Variants in PTPRN2 observed in about 807,000 individuals in gnomAD.
The protein encoded by PTPRN2 is protein tyrosine phosphatase receptor type N2.
A neutral mutation model predicts 118.8 loss-of-function variants in PTPRN2; 74 were observed. The observed-to-expected ratio is 0.62, with a 90% CI of 0.52 to 0.76. The LOEUF (loss-of-function observed/expected upper bound fraction) is 0.76. Among genes scored for constraint, PTPRN2 ranks in the 30% least tolerant of loss-of-function variants. The probability of loss-of-function intolerance (pLI) is 0.00; values close to 1 mark genes in which losing one functional copy is unlikely to be tolerated. For synonymous variants in PTPRN2, 641 were observed against 608.0 expected (o/e 1.05, Z -0.80); for missense variants, 1,481 against 1,394.4 (o/e 1.06, Z -0.99).
At chr7:158,133,277 G>A (rs920416075) in intron 9 of PTPRN2, among the ~76,000 whole-genome samples, 1 of 152,200 alleles carries the variant, frequency 6.6e-6, no homozygotes, top group Non-Finnish European at 1.5e-5. Flanking sequence ...ATTCCCGCGC[G>A]GGCCGTGCTC....
chr7:158,119,594 C>CAAG (rs977354943), intron 9 of PTPRN2, among the ~76,000 whole-genome samples: 4 of 151,012 alleles, frequency 2.6e-5, no homozygotes, highest in African/African-American at 9.8e-5. Flanking sequence ...AGGTACAGTA[C>CAAG]AAGAAGATAT....
Position 157,793,727 on chromosome 7 carries a change from G to A in PTPRN2, c.1788+104946C>T, listed in dbSNP as rs188911125. Among the ~76,000 whole-genome samples, 445 of 152,304 alleles carry A rather than the reference G, an allele frequency of 2.9e-3. 3 individuals carry two copies. Among genetic ancestry groups the A allele is most frequent in the South Asian group, 0.015 (73 of 4,828 alleles). On this transcript the variant is annotated intron_variant, in intron 12 of 22. Transcript: ENST00000389418. ...AGGAGACACCGTCCCCCAGGGCCACGTATAGATCCACTGGAGGCCTGAATG... is the reference window on the plus strand; with the variant it reads ...AGGAGACACCGTCCCCCAGGGCCACATATAGATCCACTGGAGGCCTGAATG...
chr7:157,654,367 C>T (rs1805927461), intron 14 of PTPRN2, among the ~76,000 whole-genome samples: 1 of 152,142 alleles, frequency 6.6e-6, no homozygotes, highest in Admixed American at 6.5e-5. Context: ...CCAGCACCTG[C>T]TGGCATCGTG....
At chr7:157,731,978 T>C (rs375646579) in intron 12 of PTPRN2, among the ~76,000 whole-genome samples, 68 of 53,096 alleles carry the variant, frequency 1.3e-3, no homozygotes, top group South Asian at 2.0e-3. Flanking sequence ...TCCCGTCCCA[T>C]GCGCCCAGCA....
At chr7:157,717,205 T>C (rs1418914702) in intron 12 of PTPRN2, among the ~76,000 whole-genome samples, 1 of 152,220 alleles carries the variant, frequency 6.6e-6, no homozygotes, top group Non-Finnish European at 1.5e-5. Context: ...AATGCATCTC[T>C]AAAAAAAGCA....
intron 2 of PTPRN2, among the ~76,000 whole-genome samples, chr7:158,334,467 A>G (rs1805178786): frequency 1.3e-5 from 1 of 76,128 alleles, no homozygotes; most frequent in Non-Finnish European, 2.9e-5. Context: ...ACGCCCATAG[A>G]CGTCACTCAC....
intron 2 of PTPRN2, among the ~76,000 whole-genome samples, chr7:158,368,547 A>T (rs1809706058): frequency 6.6e-6 from 1 of 152,168 alleles, no homozygotes; most frequent in African/African-American, 2.4e-5. Context: ...TTCATATGAA[A>T]CTGTTAGTTC....
At chr7:158,337,734 C>CGT (rs1805959207) in intron 2 of PTPRN2, among the ~76,000 whole-genome samples, 1 of 148,494 alleles carries the variant, frequency 6.7e-6, no homozygotes. Context: ...ACGTCACTCA[C>CGT]AACCACACTC....
intron 3 of PTPRN2, among the ~76,000 whole-genome samples, chr7:158,272,788 TG>T: frequency 6.6e-6 from 1 of 151,912 alleles, no homozygotes; most frequent in Non-Finnish European, 1.5e-5. Context: ...CTCATAGGTG[TG>T]AGGGCCATCG....
rs568442974 is a variant in PTPRN2, at chr7:158,094,096, T to C, written c.1644-12719A>G. Among the ~76,000 whole-genome samples the C allele has an allele frequency of 5.9e-5, 9 of 152,308 alleles. No homozygotes were observed. The South Asian group carries it at 1.7e-3, about 28-fold the overall frequency. ...ATTTGGAAGAAAACAGATTGTTCAG[T>C]ATGTATGCTTTGCCTTTGAACTTTA... On this transcript the variant is annotated intron_variant, in intron 10 of 22. Transcript: ENST00000389418.
At chr7:158,109,899 C>T (rs1004915496) in intron 10 of PTPRN2, among the ~76,000 whole-genome samples, 2 of 151,538 alleles carry the variant, frequency 1.3e-5, no homozygotes, top group Non-Finnish European at 2.9e-5. Context: ...GATGTCACCC[C>T]TGTGTGAAGA....
chr7:158,170,520 T>C (rs1823442593), intron 5 of PTPRN2, among the ~76,000 whole-genome samples: 2 of 152,236 alleles, frequency 1.3e-5, no homozygotes, highest in Admixed American at 1.3e-4. Context: ...TGGTTTATGT[T>C]CTGAATCAAA....
chr7:158,392,997 T>C (rs561673894), intron 2 of PTPRN2, among the ~76,000 whole-genome samples: 2 of 151,940 alleles, frequency 1.3e-5, no homozygotes, highest in East Asian at 3.9e-4. Context: ...AAACAGCAAG[T>C]CCACAGAGAG....
rs1554495849 is a variant in PTPRN2, at chr7:158,414,088, A to AAC, written c.163+75646_163+75647insGT. Among the ~76,000 whole-genome samples, 64 of 151,466 alleles carry AAC rather than the reference A, an allele frequency of 4.2e-4. 2 individuals carry two copies. In the South Asian group the frequency reaches 0.013, roughly 31 times the overall value. ...ATCTCAAAAAAAAAAAAAAAAAAAA[A>AAC]AAGGAAGCAAGGGGATTCCTAGTGT... On this transcript the variant is annotated intron_variant, in intron 2 of 22. Coordinates refer to ENST00000389418, the MANE Select transcript of PTPRN2 (RefSeq NM_002847.5).
intron 1 of PTPRN2, among the ~76,000 whole-genome samples, chr7:158,562,215 T>C (rs1827433623): frequency 6.6e-6 from 1 of 152,164 alleles, no homozygotes; most frequent in South Asian, 2.1e-4. Context: ...AAGGTCCTGC[T>C]TCCTGGATCA....
intron 9 of PTPRN2, among the ~76,000 whole-genome samples, chr7:158,111,412 C>A (rs1028050147): frequency 1.3e-5 from 2 of 152,200 alleles, no homozygotes; most frequent in African/African-American, 4.8e-5. Flanking sequence ...CCGGAAGGCA[C>A]TGTGGCCGCA....
intron 11 of PTPRN2, among the ~76,000 whole-genome samples, chr7:157,930,898 CGTTTTTTTTT>C (rs1214778680): frequency 7.0e-6 from 1 of 142,494 alleles, no homozygotes; most frequent in Non-Finnish European, 1.6e-5. Flanking sequence ...AATTTTTTTT[CGTTTTTTTTT>C]GTTTTTCGCA....
intron 17 of PTPRN2, among the ~76,000 whole-genome samples, chr7:157,592,499 G>A (rs528645492): frequency 4.9e-4 from 75 of 152,080 alleles, no homozygotes; most frequent in African/African-American, 1.7e-3. Flanking sequence ...CTGAACGGAG[G>A]TTGGATGTGG....
In PTPRN2 at chr7:158,022,168, A is replaced by G. The variant is rs1806927709; in HGVS notation, c.1723+59130T>C. 6.6e-6 allele frequency among the ~76,000 whole-genome samples: 1 copy of G among 152,196 alleles called. No homozygotes were observed. The highest frequency in any genetic ancestry group is 2.4e-5 in the African/African-American group (1 of 41,444). ...CTGCTTGTCAGCAGCTTCCACAGAC[A>G]TGGTGAGAGGAGACATTCAAGGATG... On this transcript the variant is annotated intron_variant, in intron 11 of 22. Transcript: ENST00000389418. The surrounding 1 kb of genome is among the most constrained non-coding windows in gnomAD (Gnocchi z 4.6).
Sources: allele counts gnomAD v4.1 joint callset (sites outside exome capture counted in the v4.1 genomes callset), GRCh38; gene constraint gnomAD v4.1.1; non-coding constraint Gnocchi (gnomAD v3.1); transcripts MANE v1.5; gene names NCBI Gene and HGNC (gene_info 2026-07-23, HGNC 2026-07-21).